Variants in TNS2 observed in about 807,000 individuals in gnomAD.
The protein encoded by TNS2 is tensin-2.
In TNS2, 77 loss-of-function variants were observed where a neutral mutation model predicts 155.7. The observed-to-expected ratio is 0.49, with a 90% CI of 0.41 to 0.60. The LOEUF (loss-of-function observed/expected upper bound fraction) is 0.60, where lower values mean the gene tolerates loss of function less well. TNS2 is among the 20% of genes least tolerant of loss of function. TNS2 has a pLI of 0.00. For synonymous variants in TNS2, 726 were observed against 763.9 expected (o/e 0.95, Z 0.82); for missense variants, 1,703 against 1,868.8 (o/e 0.91, Z 1.64).
rs1391564908 is a variant in TNS2 at position 53,055,784 on chromosome 12, A to G, written c.700A>G (p.Asn234Asp). 29 of 1,614,212 alleles carry G rather than the reference A, an allele frequency of 1.8e-5. No individual in the cohort carries two copies. Among genetic ancestry groups the G allele is most frequent in the Non-Finnish European group, 2.5e-5 (29 of 1,180,038 alleles). ...TCCCTGTCTCTCTGTCTGTCAGGGA[A>G]ACAAGGGCAAGCTTGGGGTCATCGT... The part of the protein sequence containing the change: ...QHVVVLYCKG[N>D]KGKLGVIVSA... The change falls in exon 10 of 29, where the codon AAC becomes GAC. Residue 234 changes from asparagine (N) to aspartate (D), a missense_variant. Transcript: ENST00000314250.
intron 1 of TNS2, among the ~76,000 whole-genome samples, chr12:53,051,040 A>AGT (rs1943912205): frequency 1.3e-5 from 2 of 152,182 alleles, no homozygotes; most frequent in South Asian, 4.1e-4. Flanking sequence ...TGGGAGGGGA[A>AGT]GGGACTGAGA....
chr12:53,061,440 G>C lies in TNS2; in HGVS notation c.3419G>C (p.Trp1140Ser). The C allele has an allele frequency of 6.2e-7, 1 of 1,613,992 alleles. No homozygotes were observed. Among genetic ancestry groups the C allele is most frequent in the African/African-American group, 1.3e-5 (1 of 75,030 alleles). Residue 1140 changes from tryptophan to serine, a missense_variant, in exon 21 of 29, where the codon TGG becomes TCG. Physicochemically the swap from Trp to Ser is radical, Grantham distance 177. Coordinates refer to ENST00000314250, the MANE Select transcript of TNS2 (RefSeq NM_170754.4). Reference sequence around the variant, plus strand: ...TTTGTCCAGGATACATCCAAGTTCTGGTACAAGCCACACCTGTCCCGTGAC... The same window carrying C: ...TTTGTCCAGGATACATCCAAGTTCTCGTACAAGCCACACCTGTCCCGTGAC... ...VKFVQDTSKF[W>S]YKPHLSRDQA...
rs893412062 is a variant in TNS2 at position 53,054,334 on chromosome 12, C to T, written c.415C>T (p.Arg139Cys). 1.9e-6 allele frequency: 3 copies of T among 1,612,976 alleles called. No individual in the cohort carries two copies. Among genetic ancestry groups the T allele is most frequent in the African/African-American group, 2.7e-5 (2 of 74,912 alleles). The change falls in exon 7 of 29, where the codon CGC becomes TGC. Residue 139 changes from arginine (R) to cysteine (C), a missense_variant. By Grantham distance (180) the Arg-to-Cys change is radical. Coordinates refer to ENST00000314250, the MANE Select transcript of TNS2 (RefSeq NM_170754.4). ...WDLDLTYVTERILAAAFPARP... is the reference protein window; with the variant it reads ...WDLDLTYVTECILAAAFPARP... ...CTTAGACCTCACCTACGTGACGGAG[C>T]GCATCTTGGCCGCCGCCTTCCCCGC...
chr12:53,058,226 C>T, intron 14 of TNS2, 90 bp from the exon 15 acceptor site: 2 of 1,603,422 alleles, frequency 1.2e-6, no homozygotes, highest in Non-Finnish European at 1.7e-6. Context: ...GAGATCGAGG[C>T]AGGGCAGAAG....
intron 3 of TNS2, 28 bp downstream of exon 3, chr12:53,052,520 G>A (rs781719282): frequency 3.5e-5 from 56 of 1,613,568 alleles, no homozygotes; most frequent in Admixed American, 2.8e-4. Context: ...CCTGATAGGG[G>A]GAGAGGGTCT....
chr12:53,056,098 G>A (rs778429837), intron 10 of TNS2: 5 of 407,248 alleles, frequency 1.2e-5, no homozygotes, highest in Middle Eastern at 6.8e-4. Flanking sequence ...GCTCACGCCT[G>A]TAATACCAGC....
intron 6 of TNS2, 49 bp from the exon 7 acceptor site, chr12:53,054,220 AC>A: frequency 1.9e-6 from 3 of 1,608,040 alleles, no homozygotes; most frequent in Non-Finnish European, 2.5e-6. Flanking sequence ...CACACTAGCC[AC>A]CTCCGGGTGC....
intron 12 of TNS2, 32 bp from the exon 13 acceptor site, chr12:53,057,740 AC>A (rs1316176412): frequency 3.7e-6 from 6 of 1,613,950 alleles, no homozygotes; most frequent in Non-Finnish European, 5.1e-6. Flanking sequence ...TCCACTCAGC[AC>A]CCCTCCTGTG....
At chr12:53,052,536 C>T in intron 3 of TNS2, 44 bp downstream of exon 3, 1 of 1,612,386 alleles carries the variant, frequency 6.2e-7, no homozygotes, top group Non-Finnish European at 8.5e-7. Flanking sequence ...GGTCTGGAGT[C>T]CCTTCCTCCT....
chr12:53,055,969 T>TTTTA, intron 10 of TNS2, 124 bp downstream of exon 10: 1 of 971,218 alleles, frequency 1.0e-6, no homozygotes, highest in Non-Finnish European at 1.6e-6. Context: ...AGCTTAGCAC[T>TTTTA]TCCACCTCCC....
At chr12:53,058,865 G>A (rs746360006) in intron 17 of TNS2, 38 bp downstream of exon 17, 3 of 1,605,008 alleles carry the variant, frequency 1.9e-6, no homozygotes, top group Non-Finnish European at 2.6e-6. Context: ...GTACAGGGTT[G>A]TGGCGGGACC....
chr12:53,060,136 C>A lies in TNS2; in HGVS notation c.2495C>A (p.Ser832Tyr), dbSNP rs563844075. ...GAHSPRAGSISPGSPPYPQSR... is the reference protein window; with the variant it reads ...GAHSPRAGSIYPGSPPYPQSR... ...CACTCCCCACGGGCTGGCTCCATTT[C>A]CCCGGGCAGCCCGCCCTATCCACAA... is the stretch of plus-strand genomic sequence containing the variant. The change falls in exon 18 of 29, where the codon TCC (serine) becomes TAC (tyrosine). Residue 832 changes from serine to tyrosine, a missense_variant. By Grantham distance (144) the Ser-to-Tyr change is moderately radical (BLOSUM62 -2). Transcript: ENST00000314250. This position sits in a 1 kb window ranked among gnomAD's most constrained non-coding sequence, Gnocchi z 6.1. 4 of 1,610,184 alleles carry A rather than the reference C, an allele frequency of 2.5e-6. No homozygotes were observed. Among genetic ancestry groups the A allele is most frequent in the Non-Finnish European group, 3.4e-6 (4 of 1,178,372 alleles).
intron 24 of TNS2, 29 bp from the exon 25 acceptor site, chr12:53,062,591 G>C: frequency 6.2e-7 from 1 of 1,612,980 alleles, no homozygotes; most frequent in Non-Finnish European, 8.5e-7. Context: ...TGCCTTCTGA[G>C]CTTCCCTGTC....
At chr12:53,058,924 G>GC (rs1287261849) in intron 17 of TNS2, 97 bp downstream of exon 17, 1 of 1,563,566 alleles carries the variant, frequency 6.4e-7, no homozygotes, top group Non-Finnish European at 8.7e-7. Context: ...CCCAGGCAGA[G>GC]CCCACTCCCG....
rs779643299 is a variant in TNS2, at chr12:53,060,712, C to A, written c.2806C>A (p.Pro936Thr). Reference sequence around the variant, plus strand: ...GGACACCAGGTCCCCCACCTCAGCGCCCACTCAGAGACTGAGTCCTGGCGA... The same window carrying A: ...GGACACCAGGTCCCCCACCTCAGCGACCACTCAGAGACTGAGTCCTGGCGA... ...RQDTRSPTSAPTQRLSPGEAL... is the reference protein window; with the variant it reads ...RQDTRSPTSATTQRLSPGEAL... Residue 936 changes from proline to threonine, a missense_variant, in exon 20 of 29, where the codon CCC (proline) becomes ACC (threonine). Coordinates refer to ENST00000314250, the MANE Select transcript of TNS2 (RefSeq NM_170754.4). The surrounding 1 kb of genome is among the most constrained non-coding windows in gnomAD (Gnocchi z 6.1). 2.3e-5 allele frequency: 36 copies of A among 1,593,662 alleles called. No individual in the cohort carries two copies.
upstream of TNS2, among the ~76,000 whole-genome samples, chr12:53,047,313 C>T (rs1045430542): frequency 2.7e-5 from 4 of 145,502 alleles, no homozygotes; most frequent in Non-Finnish European, 6.1e-5. Flanking sequence ...GCTGGCCCGG[C>T]GGCTCCCCCT....
At chr12:53,057,702 C>T (rs75781201) in intron 12 of TNS2, 23 bp downstream of exon 12, 31,485 of 1,613,812 alleles carry the variant, frequency 0.02, 351 homozygotes, top group Middle Eastern at 0.023. Flanking sequence ...GAGATGTGCT[C>T]CCTAGGGAGA....
rs758886496 is a variant in TNS2 at position 53,059,317 on chromosome 12, G to A, written c.1676G>A (p.Arg559His). 2.7e-5 allele frequency: 39 copies of A among 1,423,774 alleles called. No individual in the cohort carries two copies. In the Admixed American group the frequency reaches 3.7e-4, roughly 13 times the overall value. 88.2% of individuals were successfully genotyped at this position (1,423,774 alleles called of 1,614,324 possible). A position where few individuals can be genotyped will look rare whatever the true frequency, so the allele number is the denominator to read the frequency against. The change falls in exon 18 of 29, where the codon CGC becomes CAC. Residue 559 changes from arginine (R) to histidine (H), a missense_variant. Physicochemically the swap from Arg to His is conservative, Grantham distance 29. Transcript: ENST00000314250. The surrounding 1 kb of genome is among the most constrained non-coding windows in gnomAD (Gnocchi z 4.7). Reference sequence around the variant, plus strand: ...GCCAGTGGGGGCCGGGGAGCTGGGCGCGAGACGGCCATCCTAGATGACGAA... The same window carrying A: ...GCCAGTGGGGGCCGGGGAGCTGGGCACGAGACGGCCATCCTAGATGACGAA... Reference protein sequence around the residue: ...GVASGGRGAGRETAILDDEEQ... With the variant: ...GVASGGRGAGHETAILDDEEQ...
chr12:53,061,131 G>A lies in TNS2; in HGVS notation c.3225G>A (p.Glu1075=), dbSNP rs1213184237. The change falls in exon 20 of 29, where the codon GAG becomes GAA. Residue 1075 remains glutamate (E), a synonymous_variant. Transcript: ENST00000314250. ...TNGLSQPPLP[E]KRHLPGPGQQ... ...GCCTTAGCCAGCCCCCACTTCCTGA[G>A]AAACGCCACCTGCCCGGGCCGGGGC... 1.2e-6 allele frequency: 2 copies of A among 1,610,556 alleles called. No homozygotes were observed. Among genetic ancestry groups the A allele is most frequent in the Non-Finnish European group, 1.7e-6 (2 of 1,178,382 alleles).
Sources: allele counts gnomAD v4.1 joint callset (sites outside exome capture counted in the v4.1 genomes callset), GRCh38; gene constraint gnomAD v4.1.1; non-coding constraint Gnocchi (gnomAD v3.1); transcripts MANE v1.5; gene names NCBI Gene and HGNC (gene_info 2026-07-23, HGNC 2026-07-21).